The following MAGI1 variants were observed in gnomAD, a reference collection of about 807,000 sequenced individuals.
MAGI1 encodes the protein membrane associated guanylate kinase, WW and PDZ domain containing 1.
A neutral mutation model predicts 139.9 loss-of-function variants in MAGI1; 58 were observed. The observed-to-expected ratio is 0.41, with a 90% CI of 0.34 to 0.52. The LOEUF (loss-of-function observed/expected upper bound fraction) is 0.52, where lower values mean the gene tolerates loss of function less well. Ranked by LOEUF, MAGI1 falls within the 20% of genes least tolerant of loss-of-function variation. The pLI is 0.12. For synonymous variants in MAGI1, 812 were observed against 737.9 expected, an observed-to-expected ratio of 1.10 and a Z score of -1.63; for missense variants, 1,874 against 1,901.6, an observed-to-expected ratio of 0.99 and a Z score of 0.27.
At chr3:65,475,370 T>C (rs1397745615) in intron 4 of MAGI1, among the ~76,000 whole-genome samples, 1 of 152,038 alleles carries the variant, frequency 6.6e-6, no homozygotes, top group East Asian at 1.9e-4. Context: ...CCCACCACCA[T>C]ACTCAGCTAA....
At chr3:65,917,282 C>G (rs1331270089) in intron 1 of MAGI1, among the ~76,000 whole-genome samples, 1 of 152,106 alleles carries the variant, frequency 6.6e-6, no homozygotes, top group East Asian at 1.9e-4. Flanking sequence ...AGCCAAAATC[C>G]TAAACACTGA....
chr3:65,659,495 A>G (rs2086072350), intron 1 of MAGI1, among the ~76,000 whole-genome samples: 1 of 152,160 alleles, frequency 6.6e-6, no homozygotes, highest in Admixed American at 6.5e-5. Flanking sequence ...ACGGTTCCAA[A>G]AACACTCATA....
intron 4 of MAGI1, among the ~76,000 whole-genome samples, chr3:65,472,219 C>G (rs1390926573): frequency 6.6e-6 from 1 of 152,074 alleles, no homozygotes; most frequent in Non-Finnish European, 1.5e-5. Context: ...CAAAACCCGG[C>G]AAGAATTAAA....
intron 1 of MAGI1, among the ~76,000 whole-genome samples, chr3:65,762,310 A>G (rs942915688): frequency 6.6e-5 from 10 of 152,174 alleles, no homozygotes; most frequent in African/African-American, 2.4e-4. Context: ...TTGAAAGTCT[A>G]AATAGTTGGT....
At chr3:65,746,289 C>T (rs776741491) in intron 1 of MAGI1, among the ~76,000 whole-genome samples, 1 of 152,088 alleles carries the variant, frequency 6.6e-6, no homozygotes, top group Non-Finnish European at 1.5e-5. Context: ...CTGCCTTGGC[C>T]TTCCAAAGTG....
chr3:65,373,501 C>T (rs372809250), intron 18 of MAGI1, among the ~76,000 whole-genome samples: 5 of 152,054 alleles, frequency 3.3e-5, no homozygotes, highest in South Asian at 4.1e-4. Flanking sequence ...AGTGAGCACC[C>T]GCTGTTGGAA....
chr3:65,823,924 T>C (rs2042080028), intron 1 of MAGI1, among the ~76,000 whole-genome samples: 1 of 152,114 alleles, frequency 6.6e-6, no homozygotes, highest in Non-Finnish European at 1.5e-5. Flanking sequence ...AGAAACTGGG[T>C]ATGAATCTTG....
At chr3:65,581,709 C>T (rs2081432705) in intron 2 of MAGI1, among the ~76,000 whole-genome samples, 1 of 152,200 alleles carries the variant, frequency 6.6e-6, no homozygotes, top group African/African-American at 2.4e-5. Context: ...TGCCATTCAT[C>T]TCCCATCAGC....
intron 4 of MAGI1, among the ~76,000 whole-genome samples, chr3:65,473,800 T>C (rs1160962585): frequency 6.6e-6 from 1 of 152,122 alleles, no homozygotes; most frequent in Non-Finnish European, 1.5e-5. Context: ...TCCAAGTATT[T>C]GTTTTTATTT....
At chr3:65,848,211 G>C (rs928580581) in intron 1 of MAGI1, among the ~76,000 whole-genome samples, 2 of 152,138 alleles carry the variant, frequency 1.3e-5, no homozygotes, top group Admixed American at 1.3e-4. Flanking sequence ...GTGAACATGG[G>C]GAACTGCATG....
intron 4 of MAGI1, among the ~76,000 whole-genome samples, chr3:65,472,727 C>G (rs1280982169): frequency 1.3e-5 from 2 of 152,118 alleles, no homozygotes; most frequent in African/African-American, 4.8e-5. Context: ...GAGAGTGGGT[C>G]TAGGCTGAAG....
At chr3:65,534,199 T>C (rs2078844843) in intron 2 of MAGI1, among the ~76,000 whole-genome samples, 1 of 152,112 alleles carries the variant, frequency 6.6e-6, no homozygotes, top group Non-Finnish European at 1.5e-5. Context: ...ATTATACACA[T>C]ACCATAAGTG....
intron 1 of MAGI1, among the ~76,000 whole-genome samples, chr3:66,016,250 A>G (rs2067630152): frequency 6.6e-6 from 1 of 152,210 alleles, no homozygotes; most frequent in South Asian, 2.1e-4. Context: ...AGTTGACTGC[A>G]TCATTTCATT....
chr3:65,706,822 C>A lies in MAGI1; in HGVS notation c.314-84734G>T, dbSNP rs1204359807. On this transcript the variant is annotated intron_variant, in intron 1 of 22. Transcript: ENST00000402939. ...CAAGCAGGAGCCAGAGACCACAGGA[C>A]TCTCTCAGCCATGGTAATAAGTTCC... Among the ~76,000 whole-genome samples the A allele has an allele frequency of 2.0e-5, 3 of 152,150 alleles. No individual in the cohort carries two copies. The East Asian group carries it at 5.8e-4, about 29-fold the overall frequency.
intron 1 of MAGI1, among the ~76,000 whole-genome samples, chr3:65,806,232 C>T (rs2040845992): frequency 6.6e-6 from 1 of 151,916 alleles, no homozygotes; most frequent in Non-Finnish European, 1.5e-5. Flanking sequence ...AGATCAAGAC[C>T]ATCCTGGCCA....
intron 1 of MAGI1, among the ~76,000 whole-genome samples, chr3:65,792,689 C>T (rs752409978): frequency 3.3e-5 from 5 of 151,856 alleles, no homozygotes; most frequent in African/African-American, 7.3e-5. Flanking sequence ...AGCATGGGTC[C>T]GATGGACAAT....
At chr3:65,847,388 T>C (rs1167284107) in intron 1 of MAGI1, among the ~76,000 whole-genome samples, 2 of 152,094 alleles carry the variant, frequency 1.3e-5, no homozygotes, top group Non-Finnish European at 2.9e-5. Flanking sequence ...TGGTTTTTTT[T>C]CCTCTAAAAT....
intron 2 of MAGI1, among the ~76,000 whole-genome samples, chr3:65,584,225 G>A (rs553427984): frequency 4.6e-5 from 7 of 152,202 alleles, no homozygotes; most frequent in African/African-American, 1.7e-4. Flanking sequence ...GCAGAGACCA[G>A]TTGGAACAAT....
intron 22 of MAGI1, among the ~76,000 whole-genome samples, chr3:65,358,879 C>G (rs79106195): frequency 1.3e-5 from 2 of 152,296 alleles, no homozygotes; most frequent in Admixed American, 1.3e-4. Context: ...TCACCAGTGG[C>G]TTCTTATGCC....
Sources: allele counts gnomAD v4.1 joint callset (sites outside exome capture counted in the v4.1 genomes callset), GRCh38; gene constraint gnomAD v4.1.1; transcripts MANE v1.5; gene names NCBI Gene and HGNC (gene_info 2026-07-23, HGNC 2026-07-21).